Variants in PSMB2 observed in about 807,000 individuals in gnomAD.
PSMB2 encodes proteasome 20S subunit beta 2.
In PSMB2, 13 loss-of-function variants were observed where a neutral mutation model predicts 25.7. That is an observed-to-expected ratio of 0.51 (90% CI 0.33 to 0.80). PSMB2 has a LOEUF of 0.80. Among genes scored for constraint, PSMB2 ranks in the 30% least tolerant of loss-of-function variants. The pLI, the probability that PSMB2 is intolerant of heterozygous loss-of-function variation, is 0.02. For missense variants in PSMB2, 202 were observed against 259.0 expected, an observed-to-expected ratio of 0.78 and a Z score of 1.51; for synonymous variants, 87 against 96.2, an observed-to-expected ratio of 0.90 and a Z score of 0.56.
intron 4 of PSMB2, among the ~76,000 whole-genome samples, chr1:35,607,764 C>G (rs920605331): frequency 5.9e-5 from 9 of 152,148 alleles, no homozygotes; most frequent in Admixed American, 5.2e-4. Flanking sequence ...TACTGCAACA[C>G]TATTCACAAT....
chr1:35,641,513 T>A lies in PSMB2; in HGVS notation c.-81A>T. The A allele has an allele frequency of 6.3e-7, 1 of 1,589,056 alleles. No homozygotes were observed. The highest frequency in any genetic ancestry group is 8.6e-7 in the Non-Finnish European group (1 of 1,165,350). On this transcript the variant is annotated 5_prime_UTR_variant, in exon 1 of 6. Transcript: ENST00000373237. Reference sequence around the variant, plus strand: ...CAGGTCTCACCGGTGAGACAGCACCTCAGAGCGAAGATTGGCGCGACGCCT... The same window carrying A: ...CAGGTCTCACCGGTGAGACAGCACCACAGAGCGAAGATTGGCGCGACGCCT...
At chr1:35,617,710 AGGAATAT>A (rs1650538128) in intron 3 of PSMB2, among the ~76,000 whole-genome samples, 1 of 152,202 alleles carries the variant, frequency 6.6e-6, no homozygotes, top group Non-Finnish European at 1.5e-5. Context: ...AAAGAAACAG[AGGAATAT>A]GGAATGTCTG....
chr1:35,605,425 G>C, intron 4 of PSMB2, 143 bp from the exon 5 acceptor site: 1 of 838,052 alleles, frequency 1.2e-6, no homozygotes, highest in Non-Finnish European at 2.0e-6. Flanking sequence ...TTGCCTTCTA[G>C]CCTGCAATCA....
In PSMB2 at chr1:35,602,472, T is replaced by G. The variant is rs1026105827; in HGVS notation, c.*795A>C. ...TCCAGGAAGGGAAGCAGGAAGCAGA[T>G]GACTGGATTATAGGGATGGAAGAAA... On this transcript the variant is annotated 3_prime_UTR_variant, in exon 6 of 6. Transcript: ENST00000373237. 6.6e-6 allele frequency: 1 copy of G among 152,260 alleles called. No individual in the cohort carries two copies. The highest frequency in any genetic ancestry group is 2.4e-5 in the African/African-American group (1 of 41,456). The allele number at this position is 152,260 out of a possible 1,614,324, so 9.4% of individuals were successfully genotyped here. A position where few individuals can be genotyped will look rare whatever the true frequency, so the allele number is the denominator to read the frequency against.
At position 35,627,633 on chromosome 1, in the gene PSMB2, A is replaced by T. The variant is rs113294142; in HGVS notation, c.285+3641T>A. On this transcript the variant is annotated intron_variant, in intron 3 of 5. Coordinates refer to ENST00000373237, the MANE Select transcript of PSMB2 (RefSeq NM_002794.5). ...CACTGCACTCCAGCCTAGATGACAG[A>T]GTGAGATCCTGTCTCAAAAAAAAAG... Among the ~76,000 whole-genome samples the T allele has an allele frequency of 8.0e-3, 1,222 of 152,318 alleles. 20 individuals are homozygous for T. Among genetic ancestry groups the T allele is most frequent in the African/African-American group, 0.028 (1,177 of 41,552 alleles).
At chr1:35,607,557 A>G (rs1650203856) in intron 4 of PSMB2, among the ~76,000 whole-genome samples, 1 of 152,212 alleles carries the variant, frequency 6.6e-6, no homozygotes, top group Admixed American at 6.5e-5. Flanking sequence ...AGAAAAGGAA[A>G]TTCTTTATAC....
intron 4 of PSMB2, 120 bp downstream of exon 4, chr1:35,609,126 T>C (rs957446557): frequency 7.1e-6 from 7 of 991,600 alleles, no homozygotes; most frequent in Non-Finnish European, 9.6e-6. Flanking sequence ...AACCTGGTTA[T>C]GCTTCTTAGG....
chr1:35,603,489 T>C (rs993052541), intron 5 of PSMB2, 115 bp from the exon 6 acceptor site: 31 of 1,285,340 alleles, frequency 2.4e-5, no homozygotes, highest in Non-Finnish European at 2.9e-5. Flanking sequence ...TTTGTGGAAC[T>C]GATATTCTAC....
At chr1:35,610,577 C>T (rs1650300344) in intron 3 of PSMB2, among the ~76,000 whole-genome samples, 1 of 152,106 alleles carries the variant, frequency 6.6e-6, no homozygotes, top group South Asian at 2.1e-4. Flanking sequence ...CTCACCGCAA[C>T]CTCTACCTCC....
At position 35,641,250 on chromosome 1, in the gene PSMB2, G is replaced by C. The variant is rs189594033; in HGVS notation, c.91+92C>G. 8.8e-5 allele frequency: 132 copies of C among 1,505,688 alleles called. No individual in the cohort carries two copies. In the African/African-American group the frequency reaches 1.7e-3, roughly 19 times the overall value. 93.3% of individuals were successfully genotyped at this position (1,505,688 alleles called of 1,614,324 possible). On this transcript the variant is annotated intron_variant, in intron 1 of 5. Coordinates refer to ENST00000373237, the MANE Select transcript of PSMB2 (RefSeq NM_002794.5). Reference sequence around the variant, plus strand: ...AGGGCAGGCCGGCTTCCATCTCTCAGATCCTCCCTGGTACTTATTCAACCC... The same window carrying C: ...AGGGCAGGCCGGCTTCCATCTCTCACATCCTCCCTGGTACTTATTCAACCC...
chr1:35,621,301 C>T (rs545706645), intron 3 of PSMB2, among the ~76,000 whole-genome samples: 16 of 152,188 alleles, frequency 1.1e-4, no homozygotes, highest in Non-Finnish European at 1.6e-4. Context: ...ACTTGTCACT[C>T]TGCAGTGCAA....
chr1:35,625,777 A>C (rs1650842523), intron 3 of PSMB2, among the ~76,000 whole-genome samples: 1 of 151,934 alleles, frequency 6.6e-6, no homozygotes. Flanking sequence ...AAAAAAAGAA[A>C]AGAAATAGCC....
chr1:35,626,743 A>G (rs114714369), intron 3 of PSMB2, among the ~76,000 whole-genome samples: 1 of 152,218 alleles, frequency 6.6e-6, no homozygotes, highest in African/African-American at 2.4e-5. Flanking sequence ...ATGGTGTCAT[A>G]ATAAGGATAC....
At chr1:35,631,431 CCCA>C in intron 2 of PSMB2, 87 bp from the exon 3 acceptor site, 3 of 1,582,988 alleles carry the variant, frequency 1.9e-6, no homozygotes, top group Non-Finnish European at 2.6e-6. Flanking sequence ...GTTCCTAAAG[CCCA>C]CCATCTTTTG....
At position 35,641,489 on chromosome 1, in the gene PSMB2, A is replaced by G. The variant is rs1390108535; in HGVS notation, c.-57T>C. ...CACAGCACGAGACTCGCCCGCTTCCAGGTCTCACCGGTGAGACAGCACCTC... is the reference window on the plus strand; with the variant it reads ...CACAGCACGAGACTCGCCCGCTTCCGGGTCTCACCGGTGAGACAGCACCTC... On this transcript the variant is annotated 5_prime_UTR_variant, in exon 1 of 6. Coordinates refer to ENST00000373237, the MANE Select transcript of PSMB2 (RefSeq NM_002794.5). 1 of 1,610,744 alleles carries G rather than the reference A, an allele frequency of 6.2e-7. No homozygotes were observed. Among genetic ancestry groups the G allele is most frequent in the Admixed American group, 1.7e-5 (1 of 59,570 alleles).
chr1:35,604,472 C>T (rs1010595106), intron 5 of PSMB2, among the ~76,000 whole-genome samples: 3 of 152,154 alleles, frequency 2.0e-5, no homozygotes, highest in African/African-American at 7.2e-5. Context: ...GGCACAAGAA[C>T]AGAGCAGGTA....
chr1:35,624,817 C>G (rs1178912080), intron 3 of PSMB2, among the ~76,000 whole-genome samples: 1 of 151,712 alleles, frequency 6.6e-6, no homozygotes. Flanking sequence ...AATCCCAGCA[C>G]TTTGGGAGGC....
At chr1:35,634,239 T>C (rs1042849482) in intron 2 of PSMB2, among the ~76,000 whole-genome samples, 1 of 152,226 alleles carries the variant, frequency 6.6e-6, no homozygotes, top group Non-Finnish European at 1.5e-5. Flanking sequence ...CAAAATATTT[T>C]CATATGTATT....
chr1:35,602,962 C>A lies in PSMB2; in HGVS notation c.*305G>T. 1.9e-6 allele frequency: 2 copies of A among 1,065,426 alleles called. No individual in the cohort carries two copies. Among genetic ancestry groups the A allele is most frequent in the Non-Finnish European group, 2.3e-6 (2 of 880,336 alleles). The allele number at this position is 1,065,426 out of a possible 1,614,324, so 66.0% of individuals were successfully genotyped here. A position where few individuals can be genotyped will look rare whatever the true frequency, so the allele number is the denominator to read the frequency against. On this transcript the variant is annotated 3_prime_UTR_variant, in exon 6 of 6. Transcript: ENST00000373237. ...CTAGCAAGTAAAATATATGAAAGAG[C>A]TAGTTGGAAAGGAAGCCAAGCATGG...
Sources: allele counts gnomAD v4.1 joint callset (sites outside exome capture counted in the v4.1 genomes callset), GRCh38; gene constraint gnomAD v4.1.1; transcripts MANE v1.5; gene names NCBI Gene and HGNC (gene_info 2026-07-23, HGNC 2026-07-21).